The following GRID2 variants were observed in gnomAD, a reference collection of about 807,000 sequenced individuals.
GRID2 encodes glutamate ionotropic receptor delta type subunit 2.
Under a neutral mutation model 114.8 loss-of-function variants are expected in GRID2, and 33 were observed. That is an observed-to-expected ratio of 0.29 (90% confidence interval 0.22 to 0.38). GRID2 has a LOEUF of 0.38. Ranked by LOEUF, GRID2 falls within the 10% of genes least tolerant of loss-of-function variation. GRID2 has a pLI of 1.00. For synonymous variants in GRID2, 505 were observed against 449.9 expected, an observed-to-expected ratio of 1.12 and a Z score of -1.55; for missense variants, 1,184 against 1,257.7, an observed-to-expected ratio of 0.94 and a Z score of 0.89.
chr4:93,676,355 T>C (rs1345183331), intron 14 of GRID2, among the ~76,000 whole-genome samples: 1 of 152,188 alleles, frequency 6.6e-6, no homozygotes, highest in Non-Finnish European at 1.5e-5. Flanking sequence ...AAAGCAATGA[T>C]CTTTCTAAAA....
chr4:93,550,967 C>G (rs749305340), intron 13 of GRID2, among the ~76,000 whole-genome samples: 5 of 152,120 alleles, frequency 3.3e-5, no homozygotes, highest in Non-Finnish European at 7.4e-5. Flanking sequence ...CAGAGCCACA[C>G]TTACTGGATT....
At chr4:93,028,551 T>C (rs1288787220) in intron 2 of GRID2, among the ~76,000 whole-genome samples, 2 of 152,078 alleles carry the variant, frequency 1.3e-5, no homozygotes, top group African/African-American at 4.8e-5. Flanking sequence ...ACCACGATAG[T>C]AGTGAGTATG....
At chr4:93,622,251 A>T (rs1376315903) in intron 13 of GRID2, among the ~76,000 whole-genome samples, 1 of 152,158 alleles carries the variant, frequency 6.6e-6, no homozygotes, top group Admixed American at 6.5e-5. Flanking sequence ...TGCAGACGAA[A>T]CCTAACCAAG....
intron 1 of GRID2, among the ~76,000 whole-genome samples, chr4:92,569,201 G>A (rs746732445): frequency 9.2e-5 from 14 of 151,514 alleles, no homozygotes; most frequent in South Asian, 2.1e-4. Context: ...TCACTCCCAC[G>A]TATAAGTGAG....
intron 3 of GRID2, among the ~76,000 whole-genome samples, chr4:93,106,777 A>G (rs547248629): frequency 3.1e-4 from 47 of 152,318 alleles, no homozygotes; most frequent in African/African-American, 1.0e-3. Flanking sequence ...CCTGCATTCC[A>G]TGAGTCTGCC....
In GRID2 at chr4:92,801,318, G is replaced by T. The variant is rs538102279; in HGVS notation, c.244+211032G>T. ...GTTTAACATATGTTCACAATATTAT[G>T]CTAAGTTTATGGCATATTAATCATA... On this transcript the variant is annotated intron_variant, in intron 2 of 15. Coordinates refer to ENST00000282020, the MANE Select transcript of GRID2 (RefSeq NM_001510.4). Among the ~76,000 whole-genome samples, 41 of 151,962 alleles carry T rather than the reference G, an allele frequency of 2.7e-4. 1 individual carries two copies. The South Asian group carries it at 4.1e-3, about 15-fold the overall frequency.
At chr4:92,339,923 G>C (rs1479716419) in intron 1 of GRID2, among the ~76,000 whole-genome samples, 1 of 152,096 alleles carries the variant, frequency 6.6e-6, no homozygotes, top group African/African-American at 2.4e-5. Context: ...CACAAAGCTC[G>C]TTTTTATTAG....
intron 1 of GRID2, among the ~76,000 whole-genome samples, chr4:92,441,114 G>A (rs11682016): frequency 6.6e-6 from 1 of 152,094 alleles, no homozygotes; most frequent in South Asian, 2.1e-4. Context: ...AAGGCTACAG[G>A]GTGCGGTCCT....
chr4:93,168,129 G>C (rs1363061138), intron 4 of GRID2, among the ~76,000 whole-genome samples: 1 of 152,060 alleles, frequency 6.6e-6, no homozygotes, highest in African/African-American at 2.4e-5. Context: ...CCATGAGGCA[G>C]AGTTTGCGGT....
chr4:93,412,474 G>C (rs1229584172), intron 9 of GRID2, among the ~76,000 whole-genome samples: 1 of 151,910 alleles, frequency 6.6e-6, no homozygotes, highest in African/African-American at 2.4e-5. Flanking sequence ...TGCAATGAAC[G>C]TTTTAAAAAT....
intron 2 of GRID2, among the ~76,000 whole-genome samples, chr4:92,836,406 G>A (rs1182802341): frequency 6.6e-6 from 1 of 152,048 alleles, no homozygotes; most frequent in Non-Finnish European, 1.5e-5. Context: ...TAGCATCTTA[G>A]TATTATTAAG....
chr4:93,652,519 G>A (rs1722667381), intron 14 of GRID2, among the ~76,000 whole-genome samples: 2 of 152,042 alleles, frequency 1.3e-5, no homozygotes, highest in Admixed American at 6.6e-5. Flanking sequence ...GTAACATGCA[G>A]TACAGGTTTG....
At chr4:93,478,940 A>G (rs1026344831) in intron 11 of GRID2, among the ~76,000 whole-genome samples, 2 of 152,098 alleles carry the variant, frequency 1.3e-5, no homozygotes, top group Non-Finnish European at 2.9e-5. Flanking sequence ...AACAATATTT[A>G]GTCATTTAAA....
chr4:93,770,951 G>A (rs1028973281), intron 15 of GRID2, among the ~76,000 whole-genome samples: 4 of 151,924 alleles, frequency 2.6e-5, no homozygotes, highest in African/African-American at 9.7e-5. Context: ...AAATAAGAAG[G>A]GAGAAGGAAA....
chr4:92,816,334 A>AG (rs1740911592), intron 2 of GRID2, among the ~76,000 whole-genome samples: 1 of 151,506 alleles, frequency 6.6e-6, no homozygotes, highest in Admixed American at 6.6e-5. Flanking sequence ...AAAAAAAAAA[A>AG]AAAAAAAGTA....
chr4:93,077,568 T>C (rs1729447589), intron 2 of GRID2, among the ~76,000 whole-genome samples: 1 of 152,190 alleles, frequency 6.6e-6, no homozygotes. Context: ...AAGACAGACA[T>C]ATAATATGAT....
At chr4:93,568,824 G>C (rs1409816533) in intron 13 of GRID2, among the ~76,000 whole-genome samples, 1 of 152,042 alleles carries the variant, frequency 6.6e-6, no homozygotes, top group Non-Finnish European at 1.5e-5. Flanking sequence ...AACTCATCAG[G>C]GGGCCACACT....
At position 93,076,610 on chromosome 4, in the gene GRID2, CTTTT is replaced by C. The variant is rs56357327; in HGVS notation, c.245-8364_245-8361del. On this transcript the variant is annotated intron_variant, in intron 2 of 15. Transcript: ENST00000282020. ...GACCTTCTTCAAAATTCACCAACCTCTTTTTTTTTTTTTTTTTTTTTTTTAATGA... is the reference window on the plus strand; with the variant it reads ...GACCTTCTTCAAAATTCACCAACCTCTTTTTTTTTTTTTTTTTTTTAATGA... Among the ~76,000 whole-genome samples the C allele has an allele frequency of 5.2e-3, 503 of 96,986 alleles. 7 individuals carry two copies. The highest frequency in any genetic ancestry group is 0.021 in the African/African-American group (476 of 23,090). The allele number at this position is 96,986 out of a possible 152,430, so 63.6% of individuals were successfully genotyped here. A position where few individuals can be genotyped will look rare whatever the true frequency, so the allele number is the denominator to read the frequency against.
intron 14 of GRID2, among the ~76,000 whole-genome samples, chr4:93,659,822 C>T (rs1198699979): frequency 6.6e-6 from 1 of 150,878 alleles, no homozygotes; most frequent in Non-Finnish European, 1.5e-5. Context: ...AGACCTAGTT[C>T]TTAAAGCGAA....
Sources: gnomAD v4.1 joint callset for allele counts (sites outside exome capture counted in the v4.1 genomes callset) on GRCh38, gnomAD v4.1.1 for gene constraint, MANE v1.5 for transcripts, NCBI Gene and HGNC (gene_info 2026-07-23, HGNC 2026-07-21) for gene names.